The following OTUD7A variants were observed in gnomAD, a reference collection of about 807,000 sequenced individuals.
OTUD7A encodes OTU deubiquitinase 7A, also known as OTU domain-containing protein 7A.
OTUD7A carries 12 observed loss-of-function variants against 65.7 expected under a neutral mutation model. That is an observed-to-expected ratio of 0.18 (90% CI 0.12 to 0.30). The LOEUF (loss-of-function observed/expected upper bound fraction) is 0.30. OTUD7A is among the 10% of genes least tolerant of loss of function. The pLI, the probability that OTUD7A is intolerant of heterozygous loss-of-function variation, is 1.00. For synonymous variants in OTUD7A, 641 were observed against 586.3 expected (o/e 1.09, Z -1.35); for missense variants, 1,148 against 1,304.8 (o/e 0.88, Z 1.85).
Position 31,501,677 on chromosome 15 carries a change from G to C in OTUD7A, c.1171+13C>G. 1 of 1,614,144 alleles carries C rather than the reference G, an allele frequency of 6.2e-7. No homozygotes were observed. The highest frequency in any genetic ancestry group is 8.5e-7 in the Non-Finnish European group (1 of 1,180,002). ...TAGGCTCCTGCGTGCACTCTCTTGG[G>C]AGACAGGCATACCTTGTTCTCTTTG... On this transcript the variant is annotated intron_variant, in intron 10 of 12. Coordinates refer to ENST00000307050, the MANE Select transcript of OTUD7A (RefSeq NM_001382637.1).
chr15:31,759,785 C>G lies in OTUD7A; in HGVS notation c.-99-102708G>C, dbSNP rs141076179. Reference sequence around the variant, plus strand: ...TCAAGTGATCCTGCTGCCTCAGCCTCCCAAAGTGCTGGATTACAGGCATGA... The same window carrying G: ...TCAAGTGATCCTGCTGCCTCAGCCTGCCAAAGTGCTGGATTACAGGCATGA... On this transcript the variant is annotated intron_variant, in intron 1 of 12. Transcript: ENST00000307050. 2.0e-3 allele frequency among the ~76,000 whole-genome samples: 310 copies of G among 152,236 alleles called. 1 individual carries two copies. The highest frequency in any genetic ancestry group is 0.012 in the East Asian group (63 of 5,160).
rs180967213 is a variant in OTUD7A at position 31,655,812 on chromosome 15, C to T, written c.-4-562G>A. ...AGGAAAAAAGACTATTTTAAAATTT[C>T]AAACACCTAAGTATACCTAGAAAAA... On this transcript the variant is annotated intron_variant, in intron 2 of 12. Coordinates refer to ENST00000307050, the MANE Select transcript of OTUD7A (RefSeq NM_001382637.1). Among the ~76,000 whole-genome samples the T allele has an allele frequency of 2.1e-3, 313 of 152,320 alleles. 2 individuals carry two copies. The highest frequency in any genetic ancestry group is 0.014 in the Middle Eastern group (4 of 294).
intron 1 of OTUD7A, among the ~76,000 whole-genome samples, chr15:31,751,241 A>C (rs559416090): frequency 6.6e-6 from 1 of 152,332 alleles, no homozygotes; most frequent in African/African-American, 2.4e-5. Flanking sequence ...CAACCTCATT[A>C]AACAGTGGGT....
intron 1 of OTUD7A, among the ~76,000 whole-genome samples, chr15:31,795,775 C>A (rs1895935454): frequency 6.6e-6 from 1 of 152,214 alleles, no homozygotes; most frequent in Non-Finnish European, 1.5e-5. Context: ...AGCTGGGTGA[C>A]TGGAAGCATG....
At chr15:31,712,831 A>C (rs560459369) in intron 1 of OTUD7A, among the ~76,000 whole-genome samples, 1 of 141,428 alleles carries the variant, frequency 7.1e-6, no homozygotes, top group African/African-American at 2.6e-5. Flanking sequence ...GCATTCTAAC[A>C]GCTTTTTCAA....
At chr15:31,548,945 G>A (rs570102290) in intron 5 of OTUD7A, among the ~76,000 whole-genome samples, 2 of 152,160 alleles carry the variant, frequency 1.3e-5, no homozygotes, top group Non-Finnish European at 2.9e-5. Context: ...AGACCAGACT[G>A]ACCAACATGG....
intron 1 of OTUD7A, among the ~76,000 whole-genome samples, chr15:31,738,576 C>T (rs1443232305): frequency 2.0e-5 from 3 of 152,138 alleles, no homozygotes; most frequent in Non-Finnish European, 2.9e-5. Context: ...GATTATCTGC[C>T]ATGACAGTTT....
chr15:31,521,456 C>T (rs996344512), intron 8 of OTUD7A, among the ~76,000 whole-genome samples: 20 of 152,050 alleles, frequency 1.3e-4, no homozygotes, highest in Non-Finnish European at 1.5e-5. Flanking sequence ...GGACACCTTA[C>T]GTTAGCAGAT....
chr15:31,791,806 C>A (rs962544560), intron 1 of OTUD7A, among the ~76,000 whole-genome samples: 1 of 152,310 alleles, frequency 6.6e-6, no homozygotes, highest in African/African-American at 2.4e-5. Context: ...CCTCCTCCTT[C>A]ATCACTGGCT....
At chr15:31,788,786 C>T (rs1313572102) in intron 1 of OTUD7A, among the ~76,000 whole-genome samples, 1 of 152,164 alleles carries the variant, frequency 6.6e-6, no homozygotes, top group Non-Finnish European at 1.5e-5. Flanking sequence ...CAAAGCTATC[C>T]ACAGCATACA....
At chr15:31,841,340 G>A (rs1897177590) in intron 1 of OTUD7A, among the ~76,000 whole-genome samples, 1 of 152,226 alleles carries the variant, frequency 6.6e-6, no homozygotes, top group African/African-American at 2.4e-5. Context: ...CCTCGGAAAT[G>A]AGGCTGCTGA....
intron 4 of OTUD7A, among the ~76,000 whole-genome samples, chr15:31,569,724 T>C (rs1270876482): frequency 6.6e-6 from 1 of 152,232 alleles, no homozygotes; most frequent in African/African-American, 2.4e-5. Flanking sequence ...TAGAGATGTT[T>C]GGTCTGAAAA....
chr15:31,630,590 A>G (rs77616242), intron 3 of OTUD7A, among the ~76,000 whole-genome samples: 10,983 of 152,178 alleles, frequency 0.072, 962 homozygotes, highest in African/African-American at 0.21. Context: ...AGTTCTGTAG[A>G]TGTCTATTAG....
At chr15:31,799,717 C>A (rs1463370065) in intron 1 of OTUD7A, among the ~76,000 whole-genome samples, 1 of 152,180 alleles carries the variant, frequency 6.6e-6, no homozygotes, top group Non-Finnish European at 1.5e-5. Flanking sequence ...ATACCACTCA[C>A]TCTGTAGTAC....
intron 1 of OTUD7A, among the ~76,000 whole-genome samples, chr15:31,845,913 A>G (rs1897283962): frequency 6.6e-6 from 1 of 152,226 alleles, no homozygotes; most frequent in Non-Finnish European, 1.5e-5. Flanking sequence ...ACCATGCACA[A>G]GAGAGCCCAC....
intron 3 of OTUD7A, among the ~76,000 whole-genome samples, chr15:31,602,802 C>T (rs546902075): frequency 3.0e-5 from 4 of 132,386 alleles, no homozygotes; most frequent in Admixed American, 2.9e-4. Context: ...CATTCCTATA[C>T]ACCAATAATA....
chr15:31,768,955 C>T (rs967669776), intron 1 of OTUD7A, among the ~76,000 whole-genome samples: 10 of 151,720 alleles, frequency 6.6e-5, no homozygotes, highest in Non-Finnish European at 1.3e-4. Flanking sequence ...GAAACAGGTA[C>T]AAAAAAGAAA....
chr15:31,521,816 C>T (rs1222837468), intron 8 of OTUD7A, among the ~76,000 whole-genome samples: 2 of 152,188 alleles, frequency 1.3e-5, no homozygotes, highest in Admixed American at 1.3e-4. Flanking sequence ...AAGATGCCCC[C>T]GGGGGCTGCC....
chr15:31,831,051 C>T (rs377560944), intron 1 of OTUD7A, among the ~76,000 whole-genome samples: 7 of 152,286 alleles, frequency 4.6e-5, no homozygotes, highest in East Asian at 1.9e-4. Flanking sequence ...CACTATAATT[C>T]GTCATGGATA....
Sources: allele counts gnomAD v4.1 joint callset (sites outside exome capture counted in the v4.1 genomes callset), GRCh38; gene constraint gnomAD v4.1.1; transcripts MANE v1.5; gene names NCBI Gene and HGNC (gene_info 2026-07-23, HGNC 2026-07-21).